Variants in WWOX observed in about 807,000 individuals in gnomAD.
The protein encoded by WWOX is WW domain-containing oxidoreductase.
Under a neutral mutation model 46.2 loss-of-function variants are expected in WWOX, and 69 were observed. The ratio of observed to expected loss-of-function variants is 1.49; its 90% CI spans 1.23 to 1.82. WWOX has a LOEUF of 1.82. WWOX is among the 40% of genes most tolerant of loss of function. The probability of loss-of-function intolerance (pLI) is 0.00; values close to 1 mark genes in which losing one functional copy is unlikely to be tolerated. For missense variants in WWOX, 919 were observed against 542.6 expected, an observed-to-expected ratio of 1.69 and a Z score of -6.89; for synonymous variants, 359 against 202.6, an observed-to-expected ratio of 1.77 and a Z score of -6.56.
chr16:78,762,604 G>A (rs1329854170), intron 8 of WWOX, among the ~76,000 whole-genome samples: 1 of 152,188 alleles, frequency 6.6e-6, no homozygotes, highest in Non-Finnish European at 1.5e-5. Context: ...GGCACAGGGG[G>A]CTCGGGGCAC....
intron 1 of WWOX, among the ~76,000 whole-genome samples, chr16:78,104,827 G>GT (rs1455401747): frequency 2.0e-5 from 3 of 152,274 alleles, no homozygotes; most frequent in African/African-American, 7.2e-5. Context: ...TTCTTCCCGT[G>GT]TTAACTCACT....
intron 8 of WWOX, among the ~76,000 whole-genome samples, chr16:79,010,894 GA>G (rs2047290645): frequency 6.6e-6 from 1 of 152,036 alleles, no homozygotes; most frequent in African/African-American, 2.4e-5. Context: ...CGAGAGGGCA[GA>G]CGGGGTCATG....
At chr16:78,994,333 A>G (rs146224161) in intron 8 of WWOX, 1 of 152,190 alleles carries the variant, frequency 6.6e-6, no homozygotes, top group African/African-American at 2.4e-5. Context: ...GAAGTGCCTC[A>G]TGTGAAAAAG....
chr16:79,012,912 C>T (rs920995507), intron 8 of WWOX, among the ~76,000 whole-genome samples: 2 of 152,214 alleles, frequency 1.3e-5, no homozygotes, highest in African/African-American at 2.4e-5. Flanking sequence ...CACCAGCAGG[C>T]TGGGTGTGGT....
chr16:78,238,226 A>G (rs1174646509), intron 5 of WWOX: 1 of 152,248 alleles, frequency 6.6e-6, no homozygotes, highest in African/African-American at 2.4e-5. Flanking sequence ...TATTTATAGC[A>G]AATTTATTTG....
Position 78,628,407 on chromosome 16 carries a change from G to A in WWOX, c.1056+195655G>A, listed in dbSNP as rs571828782. On this transcript the variant is annotated intron_variant, in intron 8 of 8. Coordinates refer to ENST00000566780, the MANE Select transcript of WWOX (RefSeq NM_016373.4). ...GGCCATTCTGATTTACTAGGTCTGGGGTTGGGGGATTGTGGGTGCCGAGAA... is the reference window on the plus strand; with the variant it reads ...GGCCATTCTGATTTACTAGGTCTGGAGTTGGGGGATTGTGGGTGCCGAGAA... Among the ~76,000 whole-genome samples the A allele has an allele frequency of 2.1e-4, 32 of 152,268 alleles. No homozygotes were observed. In the South Asian group the frequency reaches 6.6e-3, roughly 32 times the overall value.
chr16:78,232,148 T>A (rs2037291488), intron 5 of WWOX, among the ~76,000 whole-genome samples: 1 of 152,172 alleles, frequency 6.6e-6, no homozygotes, highest in Non-Finnish European at 1.5e-5. Context: ...AATGTGGTAT[T>A]TCACCCACAG....
chr16:78,286,906 C>T (rs112824208), intron 5 of WWOX, among the ~76,000 whole-genome samples: 1 of 152,122 alleles, frequency 6.6e-6, no homozygotes, highest in Admixed American at 6.5e-5. Context: ...AAATGTCCTG[C>T]AGATTTTAAA....
At chr16:79,182,183 T>C (rs9972842) in intron 8 of WWOX, among the ~76,000 whole-genome samples, 147 of 151,896 alleles carry the variant, frequency 9.7e-4, no homozygotes, top group African/African-American at 3.4e-3. Flanking sequence ...TTCGTTTTCA[T>C]CTTCAGGTCA....
At chr16:78,306,078 G>T (rs2080128753) in intron 5 of WWOX, among the ~76,000 whole-genome samples, 1 of 152,038 alleles carries the variant, frequency 6.6e-6, no homozygotes, top group Admixed American at 6.6e-5. Context: ...AGACCATGTG[G>T]AGAAGCATTT....
Position 78,740,339 on chromosome 16 carries a change from A to G in WWOX, c.1056+307587A>G, listed in dbSNP as rs1251049648. Reference sequence around the variant, plus strand: ...TCGGGGGGCTCCTGAGAGTTAAATCAAGCAGCCTCTCTTGAAGCACAGTAA... The same window carrying G: ...TCGGGGGGCTCCTGAGAGTTAAATCGAGCAGCCTCTCTTGAAGCACAGTAA... On this transcript the variant is annotated intron_variant, in intron 8 of 8. Transcript: ENST00000566780. 3.3e-5 allele frequency among the ~76,000 whole-genome samples: 5 copies of G among 152,266 alleles called. No homozygotes were observed. In the South Asian group the frequency reaches 8.3e-4, roughly 25 times the overall value.
intron 8 of WWOX, among the ~76,000 whole-genome samples, chr16:78,632,543 CACTT>C (rs1386586472): frequency 2.2e-5 from 3 of 138,348 alleles, no homozygotes; most frequent in Non-Finnish European, 4.7e-5. Flanking sequence ...TCTCTTCCCC[CACTT>C]ACTTGGCCAA....
At chr16:78,513,677 G>C (rs976674387) in intron 8 of WWOX, among the ~76,000 whole-genome samples, 2 of 152,186 alleles carry the variant, frequency 1.3e-5, no homozygotes. Flanking sequence ...AAAGGATTCT[G>C]TGTCAAAACT....
intron 5 of WWOX, among the ~76,000 whole-genome samples, chr16:78,270,939 T>C (rs1038546563): frequency 2.0e-5 from 3 of 152,218 alleles, no homozygotes; most frequent in Non-Finnish European, 4.4e-5. Context: ...CCCTTTCCTG[T>C]TTGCGTTCAG....
At chr16:78,365,419 C>G (rs952094682) in intron 5 of WWOX, among the ~76,000 whole-genome samples, 9 of 152,154 alleles carry the variant, frequency 5.9e-5, no homozygotes, top group African/African-American at 2.2e-4. Flanking sequence ...TGCTAGGGTT[C>G]TTGGCACACA....
chr16:78,910,692 G>C lies in WWOX; in HGVS notation c.1057-300916G>C, dbSNP rs563789964. Reference sequence around the variant, plus strand: ...GGAGCAAAGTCACATCTTACATGGTGGCAGGCAAGAGAACTTGTGCAGGGG... The same window carrying C: ...GGAGCAAAGTCACATCTTACATGGTCGCAGGCAAGAGAACTTGTGCAGGGG... On this transcript the variant is annotated intron_variant, in intron 8 of 8. Transcript: ENST00000566780. Among the ~76,000 whole-genome samples, 3 of 151,980 alleles carry C rather than the reference G, an allele frequency of 2.0e-5. No individual in the cohort carries two copies. In the East Asian group the frequency reaches 5.8e-4, roughly 29 times the overall value.
chr16:78,744,896 A>G (rs1424357521), intron 8 of WWOX, among the ~76,000 whole-genome samples: 1 of 152,170 alleles, frequency 6.6e-6, no homozygotes, highest in Non-Finnish European at 1.5e-5. Flanking sequence ...GTTTTCCTCC[A>G]AGCTTCAACG....
intron 4 of WWOX, among the ~76,000 whole-genome samples, chr16:78,157,298 G>T (rs984635266): frequency 5.3e-5 from 8 of 152,142 alleles, no homozygotes; most frequent in Non-Finnish European, 8.8e-5. Context: ...CAGTCAGCAA[G>T]ACTTTGTTCG....
intron 8 of WWOX, among the ~76,000 whole-genome samples, chr16:78,660,626 G>T (rs187581359): frequency 6.6e-6 from 1 of 152,054 alleles, no homozygotes; most frequent in African/African-American, 2.4e-5. Flanking sequence ...TCACTTGGGG[G>T]AAAATAACCC....
Sources: allele counts gnomAD v4.1 joint callset (sites outside exome capture counted in the v4.1 genomes callset), GRCh38; gene constraint gnomAD v4.1.1; transcripts MANE v1.5; gene names NCBI Gene and HGNC (gene_info 2026-07-23, HGNC 2026-07-21).